Variants in ARB2A observed in about 807,000 individuals in gnomAD.
ARB2A encodes cotranscriptional regulator ARB2A.
At chr5:93,733,122 TA>T in the ARB2A span, 1 of 152,114 alleles carries the variant, frequency 6.6e-6, no homozygotes, top group Non-Finnish European at 1.5e-5. Context: ...TTTTTGTTGT[TA>T]AACTTTTTAA....
the ARB2A span, among the ~76,000 whole-genome samples, chr5:93,929,727 T>C: frequency 6.6e-6 from 1 of 152,270 alleles, no homozygotes; most frequent in East Asian, 1.9e-4. Flanking sequence ...CTCAGAAGCA[T>C]TCCCAAGACA....
At chr5:93,725,809 T>C in the ARB2A span, among the ~76,000 whole-genome samples, 2 of 152,070 alleles carry the variant, frequency 1.3e-5, no homozygotes, top group African/African-American at 4.8e-5. Context: ...AGGATTAATA[T>C]GAAGAACTAA....
chr5:94,025,389 TCTC>T, the ARB2A span, among the ~76,000 whole-genome samples: 4 of 152,188 alleles, frequency 2.6e-5, no homozygotes, highest in Non-Finnish European at 5.9e-5. Context: ...ACCTCTCTCT[TCTC>T]CTTCTTGTAA....
the ARB2A span, among the ~76,000 whole-genome samples, chr5:93,795,292 G>A: frequency 1.3e-5 from 2 of 152,188 alleles, no homozygotes; most frequent in Admixed American, 1.3e-4. Flanking sequence ...CTAAAGGCCA[G>A]TCTCACTCCC....
the ARB2A span, among the ~76,000 whole-genome samples, chr5:93,857,208 C>T: frequency 1.3e-5 from 2 of 152,164 alleles, no homozygotes; most frequent in African/African-American, 4.8e-5. Context: ...TGGTGCCTCC[C>T]AGTTAGGCTG....
chr5:94,050,546 C>G, the ARB2A span, among the ~76,000 whole-genome samples: 3 of 150,316 alleles, frequency 2.0e-5, no homozygotes, highest in Non-Finnish European at 4.4e-5. Context: ...AGCCACTGAA[C>G]AGGAACTTTT....
the ARB2A span, among the ~76,000 whole-genome samples, chr5:93,930,195 C>A: frequency 5.9e-5 from 9 of 152,114 alleles, no homozygotes; most frequent in Non-Finnish European, 1.5e-5. Context: ...AATTCAAAAT[C>A]ATTTCAAAGG....
chr5:93,945,707 A>G, the ARB2A span, among the ~76,000 whole-genome samples: 10 of 152,180 alleles, frequency 6.6e-5, no homozygotes, highest in African/African-American at 1.4e-4. Flanking sequence ...AGCTAAATAG[A>G]GAAGTGTAAA....
At chr5:93,874,013 G>A in the ARB2A span, among the ~76,000 whole-genome samples, 1 of 152,160 alleles carries the variant, frequency 6.6e-6, no homozygotes, top group African/African-American at 2.4e-5. Context: ...GAATATATCT[G>A]GAAGTCCATT....
At chr5:93,914,784 T>C in the ARB2A span, among the ~76,000 whole-genome samples, 1 of 151,560 alleles carries the variant, frequency 6.6e-6, no homozygotes, top group African/African-American at 2.4e-5. Flanking sequence ...TAACTGAGGG[T>C]TATTAAGAAT....
the ARB2A span, among the ~76,000 whole-genome samples, chr5:93,714,156 C>G: frequency 1.3e-5 from 2 of 152,176 alleles, no homozygotes; most frequent in Non-Finnish European, 2.9e-5. Flanking sequence ...TTTCTTTTAA[C>G]AAGCTGATTA....
chr5:93,809,537 G>A, the ARB2A span, among the ~76,000 whole-genome samples: 7 of 151,812 alleles, frequency 4.6e-5, no homozygotes, highest in East Asian at 1.9e-4. Flanking sequence ...AACTAAACAC[G>A]TCATTCATTT....
At chr5:93,726,181 TG>T in the ARB2A span, among the ~76,000 whole-genome samples, 2 of 152,120 alleles carry the variant, frequency 1.3e-5, no homozygotes, top group South Asian at 4.1e-4. Context: ...GATCTAATTG[TG>T]GCCTGTATAT....
At chr5:94,045,156 G>T in the ARB2A span, among the ~76,000 whole-genome samples, 1 of 149,188 alleles carries the variant, frequency 6.7e-6, no homozygotes, top group African/African-American at 2.5e-5. Flanking sequence ...AAATAAAAAG[G>T]AAGTTACCCT....
chr5:93,930,501 T>C, the ARB2A span, among the ~76,000 whole-genome samples: 1 of 152,128 alleles, frequency 6.6e-6, no homozygotes, highest in Admixed American at 6.6e-5. Flanking sequence ...CTTACAGAAA[T>C]CATATTGAAA....
the ARB2A span, among the ~76,000 whole-genome samples, chr5:94,071,339 A>G: frequency 6.6e-6 from 1 of 152,102 alleles, no homozygotes; most frequent in Non-Finnish European, 1.5e-5. Context: ...GACTAGGGAA[A>G]GAGTTCTTTG....
chr5:93,902,648 T>C, the ARB2A span, among the ~76,000 whole-genome samples: 1 of 152,142 alleles, frequency 6.6e-6, no homozygotes, highest in Non-Finnish European at 1.5e-5. Flanking sequence ...GAAAGCAGCA[T>C]CGGGAGAGTA....
chr5:94,101,284 T>C, the ARB2A span, among the ~76,000 whole-genome samples: 66 of 152,150 alleles, frequency 4.3e-4, no homozygotes, highest in Admixed American at 1.4e-3. Flanking sequence ...ATGGCTATTA[T>C]TAAAAAGTCA....
the ARB2A span, among the ~76,000 whole-genome samples, chr5:93,905,352 C>T: frequency 6.6e-6 from 1 of 151,484 alleles, no homozygotes; most frequent in Non-Finnish European, 1.5e-5. Context: ...TCTAGTACGG[C>T]AGTGTGGTTT....
Sources: allele counts gnomAD v4.1 joint callset (sites outside exome capture counted in the v4.1 genomes callset), GRCh38; gene constraint gnomAD v4.1.1; transcripts MANE v1.5; gene names NCBI Gene and HGNC (gene_info 2026-07-23, HGNC 2026-07-21).